The following SNX29 variants were observed in gnomAD, a reference collection of about 807,000 sequenced individuals.
The protein encoded by SNX29 is sorting nexin-29.
Under a neutral mutation model 102.1 loss-of-function variants are expected in SNX29, and 78 were observed. The ratio of observed to expected loss-of-function variants is 0.76; its 90% CI spans 0.64 to 0.92. The LOEUF (loss-of-function observed/expected upper bound fraction) is 0.92. Among genes scored for constraint, SNX29 ranks in the 40% least tolerant of loss-of-function variants. The pLI, the probability that SNX29 is intolerant of heterozygous loss-of-function variation, is 0.00. For missense variants in SNX29, 1,280 were observed against 1,061.7 expected (o/e 1.21, Z -2.86); for synonymous variants, 580 against 414.5 (o/e 1.40, Z -4.85).
intron 8 of SNX29, among the ~76,000 whole-genome samples, chr16:12,055,523 G>A (rs1009356128): frequency 6.6e-6 from 1 of 151,756 alleles, no homozygotes; most frequent in Admixed American, 6.6e-5. Context: ...GAGCCACCAC[G>A]CCTGGTCTTA....
chr16:12,059,264 C>G (rs758545964), intron 8 of SNX29, among the ~76,000 whole-genome samples: 3 of 152,218 alleles, frequency 2.0e-5, no homozygotes, highest in Non-Finnish European at 4.4e-5. Context: ...GGACTGTCTG[C>G]TTTTGCTGCC....
At chr16:12,464,321 A>G (rs919814626) in intron 18 of SNX29, among the ~76,000 whole-genome samples, 2 of 151,928 alleles carry the variant, frequency 1.3e-5, no homozygotes, top group South Asian at 2.1e-4. Context: ...TTCTTTATCC[A>G]TTCATCTGTT....
intron 13 of SNX29, among the ~76,000 whole-genome samples, chr16:12,151,720 G>C (rs1009004121): frequency 3.1e-4 from 47 of 152,048 alleles, no homozygotes; most frequent in African/African-American, 1.1e-3. Flanking sequence ...ACATTTATTT[G>C]TGTTTTTTTG....
At chr16:12,388,116 C>T (rs1253114205) in intron 16 of SNX29, among the ~76,000 whole-genome samples, 3 of 152,178 alleles carry the variant, frequency 2.0e-5, no homozygotes, top group African/African-American at 7.2e-5. Context: ...TTTGCACGTG[C>T]CGAGCTTTAG....
chr16:12,082,330 T>C (rs1366079363), intron 11 of SNX29, among the ~76,000 whole-genome samples: 2 of 152,130 alleles, frequency 1.3e-5, no homozygotes, highest in Admixed American at 1.3e-4. Context: ...TCCCAAGAGT[T>C]CCTGCGGCCG....
intron 14 of SNX29, among the ~76,000 whole-genome samples, chr16:12,264,741 C>T (rs909368591): frequency 1.3e-5 from 2 of 151,486 alleles, no homozygotes; most frequent in Non-Finnish European, 2.9e-5. Context: ...GAGATCATGC[C>T]ACTGCACTCC....
At chr16:12,109,668 C>A (rs114378000) in intron 11 of SNX29, among the ~76,000 whole-genome samples, 2,402 of 152,170 alleles carry the variant, frequency 0.016, 75 homozygotes, top group African/African-American at 0.055. Flanking sequence ...GATGCCCAGC[C>A]GTGCAGACTC....
intron 14 of SNX29, among the ~76,000 whole-genome samples, chr16:12,249,654 C>G (rs1596630231): frequency 6.6e-6 from 1 of 152,172 alleles, no homozygotes; most frequent in Admixed American, 6.5e-5. Context: ...AATTGCTGAG[C>G]TTTTCTGTGT....
Position 12,226,649 on chromosome 16 carries a change from C to T in SNX29, c.1678+26966C>T, listed in dbSNP as rs887485834. Among the ~76,000 whole-genome samples the T allele has an allele frequency of 2.6e-5, 4 of 151,096 alleles. No individual in the cohort carries two copies. The South Asian group carries it at 8.4e-4, about 32-fold the overall frequency. Reference sequence around the variant, plus strand: ...AGTACACTGGTGCAATCTTGGCTCACTGCAACCTCTGCCTCCTGGGTTCAA... The same window carrying T: ...AGTACACTGGTGCAATCTTGGCTCATTGCAACCTCTGCCTCCTGGGTTCAA... On this transcript the variant is annotated intron_variant, in intron 14 of 20. Transcript: ENST00000566228.
intron 15 of SNX29, among the ~76,000 whole-genome samples, chr16:12,335,599 C>G (rs990714386): frequency 2.0e-5 from 3 of 152,116 alleles, no homozygotes; most frequent in Non-Finnish European, 2.9e-5. Context: ...TCTCTTGAGC[C>G]TAGGCATTTG....
At chr16:12,546,769 C>T (rs1191149675) in intron 20 of SNX29, 1 of 106,332 alleles carries the variant, frequency 9.4e-6, no homozygotes, top group East Asian at 7.5e-4. Flanking sequence ...CAGCTACCTT[C>T]CATGCAACAA....
At chr16:12,109,152 A>G (rs1032720947) in intron 11 of SNX29, among the ~76,000 whole-genome samples, 4 of 151,080 alleles carry the variant, frequency 2.6e-5, no homozygotes, top group Non-Finnish European at 5.9e-5. Flanking sequence ...AAAAAAAAAA[A>G]AAAGAAAAGG....
chr16:12,210,767 T>A (rs1418588379), intron 14 of SNX29, among the ~76,000 whole-genome samples: 1 of 151,198 alleles, frequency 6.6e-6, no homozygotes, highest in Non-Finnish European at 1.5e-5. Context: ...TCTTTTCCCC[T>A]ATCTCCTCCC....
At chr16:12,088,164 A>G (rs1567195732) in intron 11 of SNX29, 1 of 455,742 alleles carries the variant, frequency 2.2e-6, no homozygotes, top group Admixed American at 2.4e-5. Flanking sequence ...TCACAGTGTC[A>G]CTGTTTGGGC....
chr16:12,137,316 C>G (rs1226880109), intron 13 of SNX29, among the ~76,000 whole-genome samples: 1 of 152,212 alleles, frequency 6.6e-6, no homozygotes, highest in Non-Finnish European at 1.5e-5. Flanking sequence ...AGGCCAGAAT[C>G]TCTTGGGCCC....
intron 20 of SNX29, among the ~76,000 whole-genome samples, chr16:12,549,048 C>G (rs1376152500): frequency 6.6e-6 from 1 of 152,222 alleles, no homozygotes. Flanking sequence ...GGTGAGTCCA[C>G]TCTTGCAGCT....
At chr16:12,329,835 G>A (rs1286602276) in intron 15 of SNX29, among the ~76,000 whole-genome samples, 2 of 152,182 alleles carry the variant, frequency 1.3e-5, no homozygotes, top group African/African-American at 4.8e-5. Flanking sequence ...TCTTTGAATA[G>A]CACAAAGATC....
intron 3 of SNX29, among the ~76,000 whole-genome samples, 175 bp from the exon 4 acceptor site, chr16:12,027,145 G>T (rs568197634): frequency 1.3e-5 from 2 of 152,326 alleles, no homozygotes; most frequent in African/African-American, 4.8e-5. Context: ...ATCAACACGG[G>T]AGGTGTGTGG....
intron 19 of SNX29, among the ~76,000 whole-genome samples, chr16:12,480,966 C>T (rs2087878171): frequency 6.6e-6 from 1 of 152,144 alleles, no homozygotes; most frequent in Admixed American, 6.5e-5. Flanking sequence ...ACCTGTGCTT[C>T]TGGAGGAGAG....
Sources: gnomAD v4.1 joint callset for allele counts (sites outside exome capture counted in the v4.1 genomes callset) on GRCh38, gnomAD v4.1.1 for gene constraint, MANE v1.5 for transcripts, NCBI Gene and HGNC (gene_info 2026-07-23, HGNC 2026-07-21) for gene names.